Variants in USO1 observed in about 807,000 individuals in gnomAD.
USO1 encodes the protein USO1 vesicle transport factor, also known as general vesicular transport factor p115.
Under a neutral mutation model 124.5 loss-of-function variants are expected in USO1, and 57 were observed. The observed-to-expected ratio is 0.46, with a 90% confidence interval of 0.37 to 0.57. The LOEUF (loss-of-function observed/expected upper bound fraction) is 0.57. USO1 is among the 20% of genes least tolerant of loss of function. USO1 has a pLI of 0.00. For synonymous variants in USO1, 369 were observed against 362.8 expected (o/e 1.02, Z -0.19); for missense variants, 900 against 1,040.6 (o/e 0.86, Z 1.86).
Position 75,812,224 on chromosome 4 carries a change from G to A in USO1, c.2648G>A (p.Ser883Asn). ...AIKEQLDSSNSTIAILQTEKD... is the reference protein window; with the variant it reads ...AIKEQLDSSNNTIAILQTEKD... ...AAAGAGCAGCTGGATTCATCTAATA[G>A]TACCATTGCCATTTTACAAACTGAG... Residue 883 changes from serine (S) to asparagine (N), a missense_variant, in exon 23 of 24, where the codon AGT becomes AAT. Around this residue, in one of 2 missense-constraint regions of USO1, gnomAD observed 362 missense variants for 359.0 expected, o/e 1.01. Transcript: ENST00000514213. 1 of 1,610,216 alleles carries A rather than the reference G, an allele frequency of 6.2e-7. No homozygotes were observed. The highest frequency in any genetic ancestry group is 8.5e-7 in the Non-Finnish European group (1 of 1,178,224).
At chr4:75,743,220 C>T (rs1215516135) in intron 1 of USO1, among the ~76,000 whole-genome samples, 2 of 152,010 alleles carry the variant, frequency 1.3e-5, no homozygotes, top group African/African-American at 2.4e-5. Context: ...CTCCTGACCT[C>T]GTGATCCACC....
chr4:75,755,332 A>G (rs984162919), intron 3 of USO1: 4 of 427,800 alleles, frequency 9.4e-6, no homozygotes, highest in African/African-American at 8.2e-5. Context: ...GTCATCTCCA[A>G]AGTATTATTT....
chr4:75,745,233 A>G (rs1361490475), intron 1 of USO1: 1 of 427,658 alleles, frequency 2.3e-6, no homozygotes, highest in Non-Finnish European at 4.5e-6. Context: ...TATAGTACTG[A>G]TATTTTTCAG....
intron 17 of USO1, among the ~76,000 whole-genome samples, chr4:75,803,924 CCTT>C (rs1560461509): frequency 6.6e-6 from 1 of 152,042 alleles, no homozygotes; most frequent in East Asian, 1.9e-4. Context: ...ATTAATGGAG[CCTT>C]CTTTGAAATC....
intron 12 of USO1, among the ~76,000 whole-genome samples, chr4:75,791,198 C>G (rs559991226): frequency 1.2e-4 from 18 of 152,244 alleles, no homozygotes; most frequent in African/African-American, 4.1e-4. Context: ...TGCCAGTAAA[C>G]AGAATCTACT....
chr4:75,792,847 C>T lies in USO1; in HGVS notation c.1241-843C>T, dbSNP rs1419430541. Among the ~76,000 whole-genome samples, 6 of 152,102 alleles carry T rather than the reference C, an allele frequency of 3.9e-5. No individual in the cohort carries two copies. The East Asian group carries it at 1.2e-3, about 29-fold the overall frequency. ...CTAACTTCCCACTACCCTGCCCTGCCTCTGATAACCACCTTTCTAATCTCT... is the reference window on the plus strand; with the variant it reads ...CTAACTTCCCACTACCCTGCCCTGCTTCTGATAACCACCTTTCTAATCTCT... On this transcript the variant is annotated intron_variant, in intron 12 of 23. Coordinates refer to ENST00000514213, the MANE Select transcript of USO1 (RefSeq NM_003715.4).
At chr4:75,810,307 A>G in intron 21 of USO1, 125 bp from the exon 22 acceptor site, 1 of 1,086,756 alleles carries the variant, frequency 9.2e-7, no homozygotes, top group Non-Finnish European at 1.3e-6. Context: ...TAAATACATA[A>G]GGAATTATAT....
chr4:75,727,874 G>A (rs766119581), intron 1 of USO1, among the ~76,000 whole-genome samples: 11 of 152,112 alleles, frequency 7.2e-5, no homozygotes, highest in African/African-American at 1.2e-4. Context: ...CCCCCAGCAC[G>A]TTTCAGATGC....
chr4:75,740,105 A>C (rs1391568361), intron 1 of USO1, among the ~76,000 whole-genome samples: 2 of 152,198 alleles, frequency 1.3e-5, no homozygotes, highest in Non-Finnish European at 2.9e-5. Flanking sequence ...AGACAGAGGC[A>C]GGAGGACCAC....
chr4:75,794,437 A>G (rs1722623284), intron 13 of USO1, among the ~76,000 whole-genome samples: 1 of 152,196 alleles, frequency 6.6e-6, no homozygotes, highest in Non-Finnish European at 1.5e-5. Context: ...ATAACAAAAA[A>G]TTTTTGCATG....
In USO1 at chr4:75,752,030, T is replaced by TA. The variant is rs1281877813; in HGVS notation, c.67-342dup. Among the ~76,000 whole-genome samples the TA allele has an allele frequency of 4.8e-3, 736 of 152,322 alleles. 5 individuals are homozygous for TA. Among genetic ancestry groups the TA allele is most frequent in the African/African-American group, 0.016 (682 of 41,574 alleles). ...AAATTTTAAATAACTTTCTGTCTTCTATCATAACCATATTGGATTATGCTC... is the reference window on the plus strand; with the variant it reads ...AAATTTTAAATAACTTTCTGTCTTCTAATCATAACCATATTGGATTATGCTC... On this transcript the variant is annotated intron_variant, in intron 1 of 23. Coordinates refer to ENST00000514213, the MANE Select transcript of USO1 (RefSeq NM_003715.4).
chr4:75,745,146 G>A (rs1389459623), intron 1 of USO1, among the ~76,000 whole-genome samples: 1 of 151,906 alleles, frequency 6.6e-6, no homozygotes, highest in African/African-American at 2.4e-5. Flanking sequence ...ACTCCACCTT[G>A]TCCTTATTAT....
At chr4:75,742,861 A>T (rs1224847379) in intron 1 of USO1, among the ~76,000 whole-genome samples, 3 of 152,214 alleles carry the variant, frequency 2.0e-5, no homozygotes, top group Non-Finnish European at 4.4e-5. Flanking sequence ...ACTTCAGATG[A>T]CCAGTGAGTT....
At position 75,813,249 on chromosome 4, in the gene USO1, A is replaced by C. The variant is rs1380148873; in HGVS notation, c.2843A>C (p.Glu948Ala). Residue 948 changes from glutamate to alanine, a missense_variant, in exon 24 of 24, where the codon GAG (glutamate) becomes GCG (alanine). By Grantham distance (107) the Glu-to-Ala change is moderately radical. Coordinates refer to ENST00000514213, the MANE Select transcript of USO1 (RefSeq NM_003715.4). ...DELESGDQEDEDDESEDPGKD... is the reference protein window; with the variant it reads ...DELESGDQEDADDESEDPGKD... Reference sequence around the variant, plus strand: ...CTTGAATCTGGAGACCAAGAGGATGAGGATGATGAAAGTGAAGATCCTGGC... The same window carrying C: ...CTTGAATCTGGAGACCAAGAGGATGCGGATGATGAAAGTGAAGATCCTGGC... The C allele has an allele frequency of 6.2e-7, 1 of 1,611,402 alleles. No homozygotes were observed. Among genetic ancestry groups the C allele is most frequent in the Non-Finnish European group, 8.5e-7 (1 of 1,179,140 alleles).
At chr4:75,754,509 C>T (rs571125373) in intron 3 of USO1, among the ~76,000 whole-genome samples, 15 of 152,348 alleles carry the variant, frequency 9.8e-5, no homozygotes, top group African/African-American at 3.1e-4. Context: ...TACATTTCTA[C>T]TCTACCAAGA....
intron 13 of USO1, 146 bp downstream of exon 13, chr4:75,794,047 G>T: frequency 7.6e-7 from 1 of 1,308,100 alleles, no homozygotes. Context: ...ACAGTTTTGT[G>T]GAGAAAAAGC....
chr4:75,771,205 G>A (rs1560448005), intron 7 of USO1, 68 bp downstream of exon 7: 1 of 1,493,862 alleles, frequency 6.7e-7, no homozygotes, highest in Non-Finnish European at 8.9e-7. Context: ...TGAAATCCTT[G>A]TTGTTGAGTT....
At chr4:75,775,016 CTA>C (rs1491500706) in intron 8 of USO1, among the ~76,000 whole-genome samples, 2 of 152,120 alleles carry the variant, frequency 1.3e-5, no homozygotes, top group African/African-American at 4.8e-5. Flanking sequence ...AAAATCTCAC[CTA>C]TATCTCTTCA....
chr4:75,781,600 T>TACA (rs770904212), intron 8 of USO1, among the ~76,000 whole-genome samples: 4 of 152,202 alleles, frequency 2.6e-5, no homozygotes, highest in Non-Finnish European at 4.4e-5. Context: ...GTAACTTTTG[T>TACA]ATACACTAAG....
Sources: allele counts gnomAD v4.1 joint callset (sites outside exome capture counted in the v4.1 genomes callset), GRCh38; gene constraint gnomAD v4.1.1; regional missense constraint gnomAD v4.1.1; transcripts MANE v1.5; gene names NCBI Gene and HGNC (gene_info 2026-07-23, HGNC 2026-07-21).